The following CATSPERE variants were observed in gnomAD, a reference collection of about 807,000 sequenced individuals.
CATSPERE encodes cation channel sperm-associated auxiliary subunit epsilon.
A neutral mutation model predicts 114.1 loss-of-function variants in CATSPERE; 93 were observed. The observed-to-expected ratio is 0.81, with a 90% confidence interval of 0.69 to 0.97. The LOEUF (loss-of-function observed/expected upper bound fraction) is 0.97, where lower values mean the gene tolerates loss of function less well. CATSPERE is among the 50% of genes least tolerant of loss of function. The pLI, the probability that CATSPERE is intolerant of heterozygous loss-of-function variation, is 0.00. For synonymous variants in CATSPERE, 341 were observed against 384.1 expected (o/e 0.89, Z 1.31); for missense variants, 1,058 against 1,131.6 (o/e 0.93, Z 0.93).
At chr1:244,610,373 C>A in intron 19 of CATSPERE, 47 bp downstream of exon 19, 1 of 1,403,416 alleles carries the variant, frequency 7.1e-7, no homozygotes, top group Non-Finnish European at 1.0e-6. Context: ...AATAACTAAT[C>A]TGGCATTTTG....
intron 8 of CATSPERE, among the ~76,000 whole-genome samples, chr1:244,531,318 T>G (rs1186018283): frequency 6.6e-6 from 1 of 151,994 alleles, no homozygotes; most frequent in East Asian, 1.9e-4. Context: ...CTGGATGCCC[T>G]TCATATCTTT....
intron 7 of CATSPERE, among the ~76,000 whole-genome samples, chr1:244,502,104 C>A (rs757037184): frequency 1.3e-5 from 2 of 151,950 alleles, no homozygotes; most frequent in Non-Finnish European, 2.9e-5. Flanking sequence ...TTCACATGAG[C>A]AGATTGAGGG....
intron 9 of CATSPERE, among the ~76,000 whole-genome samples, chr1:244,557,095 G>T (rs1661705388): frequency 6.6e-6 from 1 of 152,074 alleles, no homozygotes; most frequent in South Asian, 2.1e-4. Context: ...CTATTTTTCA[G>T]CAAGTACTAC....
At chr1:244,514,065 A>G (rs1246218341) in intron 7 of CATSPERE, among the ~76,000 whole-genome samples, 1 of 152,168 alleles carries the variant, frequency 6.6e-6, no homozygotes, top group Non-Finnish European at 1.5e-5. Flanking sequence ...TTCTGTTCAT[A>G]GGGACTTTTG....
At chr1:244,562,705 T>G (rs1256733630) in intron 10 of CATSPERE, among the ~76,000 whole-genome samples, 2 of 152,204 alleles carry the variant, frequency 1.3e-5, no homozygotes, top group African/African-American at 4.8e-5. Context: ...ATTTCCTTTT[T>G]TTCTTGTCAT....
intron 8 of CATSPERE, among the ~76,000 whole-genome samples, chr1:244,522,713 G>A (rs1677801478): frequency 1.3e-5 from 2 of 152,252 alleles, no homozygotes; most frequent in Admixed American, 6.5e-5. Flanking sequence ...ACAACTCTAC[G>A]CAAATGAACT....
upstream of CATSPERE, among the ~76,000 whole-genome samples, chr1:244,459,175 T>C (rs534609177): frequency 4.0e-5 from 6 of 150,714 alleles, no homozygotes; most frequent in Non-Finnish European, 8.8e-5. Flanking sequence ...GCCTCCCAGG[T>C]TCAAACAATT....
At chr1:244,507,969 T>C (rs1675070205) in intron 7 of CATSPERE, among the ~76,000 whole-genome samples, 1 of 152,198 alleles carries the variant, frequency 6.6e-6, no homozygotes. Flanking sequence ...TGTGGTTCCA[T>C]ATGAATTTTA....
chr1:244,490,166 T>A (rs112684741), intron 5 of CATSPERE, among the ~76,000 whole-genome samples: 2 of 152,152 alleles, frequency 1.3e-5, no homozygotes, highest in African/African-American at 4.8e-5. Flanking sequence ...AGGTCATTAT[T>A]AATCTTAGCG....
chr1:244,494,553 G>A (rs1343792479), intron 6 of CATSPERE, among the ~76,000 whole-genome samples: 1 of 151,276 alleles, frequency 6.6e-6, no homozygotes. Flanking sequence ...GTATACATAT[G>A]TAACAAACCT....
At chr1:244,611,637 G>A (rs1341884398) in intron 19 of CATSPERE, among the ~76,000 whole-genome samples, 6 of 151,888 alleles carry the variant, frequency 4.0e-5, no homozygotes, top group African/African-American at 1.5e-4. Context: ...AAATCATAAG[G>A]AATTAAACTG....
At chr1:244,491,281 A>T (rs537617602) in intron 6 of CATSPERE, among the ~76,000 whole-genome samples, 109 of 152,356 alleles carry the variant, frequency 7.2e-4, no homozygotes, top group African/African-American at 2.5e-3. Context: ...AGAACTCAGG[A>T]CTAAGAAACT....
At chr1:244,598,373 C>T (rs1002351676) in intron 17 of CATSPERE, 4 of 158,894 alleles carry the variant, frequency 2.5e-5, no homozygotes, top group Non-Finnish European at 4.1e-5. Flanking sequence ...CTACAATACA[C>T]GTAAAATCAT....
chr1:244,489,745 A>G (rs894189887), intron 5 of CATSPERE, among the ~76,000 whole-genome samples: 5 of 152,024 alleles, frequency 3.3e-5, no homozygotes, highest in Non-Finnish European at 5.9e-5. Context: ...TTCTTCTCAG[A>G]AGGGAGAAAA....
At chr1:244,528,715 A>G (rs773266241) in intron 8 of CATSPERE, among the ~76,000 whole-genome samples, 6 of 151,796 alleles carry the variant, frequency 4.0e-5, no homozygotes, top group Non-Finnish European at 7.4e-5. Context: ...CAGTTGTGAC[A>G]TCAAATACAT....
chr1:244,576,251 T>C (rs1307048179), intron 11 of CATSPERE, among the ~76,000 whole-genome samples: 1 of 151,946 alleles, frequency 6.6e-6, no homozygotes, highest in Non-Finnish European at 1.5e-5. Context: ...CTGAGGCCAC[T>C]GCAGTGAGGC....
intron 1 of CATSPERE, among the ~76,000 whole-genome samples, chr1:244,454,813 G>C (rs1021684107): frequency 9.9e-5 from 15 of 152,146 alleles, no homozygotes; most frequent in African/African-American, 3.6e-4. Context: ...GGGTGTCACA[G>C]GATAGAACGT....
intron 9 of CATSPERE, among the ~76,000 whole-genome samples, chr1:244,554,480 C>T (rs1661275206): frequency 6.6e-6 from 1 of 152,064 alleles, no homozygotes. Flanking sequence ...GCCTGGGCAA[C>T]ATGGTGAGAC....
intron 2 of CATSPERE, among the ~76,000 whole-genome samples, chr1:244,477,143 G>A (rs999458328): frequency 2.0e-5 from 3 of 152,002 alleles, no homozygotes; most frequent in Admixed American, 6.6e-5. Flanking sequence ...TTACAGGCGC[G>A]TGCCACCACG....
Sources: allele counts gnomAD v4.1 joint callset (sites outside exome capture counted in the v4.1 genomes callset), GRCh38; gene constraint gnomAD v4.1.1; transcripts MANE v1.5; gene names NCBI Gene and HGNC (gene_info 2026-07-23, HGNC 2026-07-21).